CD72: variants seen among roughly 807,000 people sequenced by gnomAD.
CD72 encodes the protein B-cell differentiation antigen CD72.
Under a neutral mutation model 50.7 loss-of-function variants are expected in CD72, and 28 were observed. That is an observed-to-expected ratio of 0.55 (90% CI 0.41 to 0.76). The LOEUF is 0.76. CD72 is among the 30% of genes least tolerant of loss of function. CD72 has a pLI of 0.00. For missense variants in CD72, 403 were observed against 420.6 expected (o/e 0.96, Z 0.37); for synonymous variants, 176 against 171.2 (o/e 1.03, Z -0.22).
intron 1 of CD72, among the ~76,000 whole-genome samples, chr9:35,629,204 T>C (rs1399379134): frequency 1.3e-5 from 2 of 152,172 alleles, no homozygotes; most frequent in East Asian, 3.8e-4. Context: ...TTAAGCTGCA[T>C]GTCCCTGATT....
At chr9:35,616,910 T>A in intron 3 of CD72, 1 of 1,300,550 alleles carries the variant, frequency 7.7e-7, no homozygotes, top group Non-Finnish European at 1.0e-6. Flanking sequence ...CTCGGGGGCG[T>A]TACCTGGGAG....
upstream of CD72, chr9:35,618,519 C>T (rs1348573814): frequency 1.7e-6 from 2 of 1,180,642 alleles, no homozygotes; most frequent in African/African-American, 1.5e-5. Flanking sequence ...TGGGCCAGGG[C>T]CAGAGGGGCC....
intron 1 of CD72, among the ~76,000 whole-genome samples, chr9:35,641,452 G>A (rs1207544903): frequency 6.6e-6 from 1 of 152,130 alleles, no homozygotes; most frequent in African/African-American, 2.4e-5. Flanking sequence ...TGAAAGACCT[G>A]GTCCAGTAAA....
At chr9:35,622,537 G>A (rs1162891310), upstream of CD72, among the ~76,000 whole-genome samples, 1 of 152,020 alleles carries the variant, frequency 6.6e-6, no homozygotes, top group Non-Finnish European at 1.5e-5. Context: ...GCTCACGCCT[G>A]TTATCCCTTG....
intron 1 of CD72, among the ~76,000 whole-genome samples, chr9:35,629,930 T>C (rs1483308009): frequency 6.6e-6 from 1 of 152,250 alleles, no homozygotes; most frequent in African/African-American, 2.4e-5. Context: ...ACAATCACCT[T>C]GTTTGGGATT....
intron 1 of CD72, among the ~76,000 whole-genome samples, chr9:35,641,449 C>A (rs1264759211): frequency 6.6e-6 from 1 of 152,156 alleles, no homozygotes; most frequent in Non-Finnish European, 1.5e-5. Context: ...TTTTGAAAGA[C>A]CTGGTCCAGT....
chr9:35,632,450 T>G lies in CD72; in HGVS notation n.408+13953A>C, dbSNP rs75798159. ...CTCCCAAAGTGCTGGGATTACAGGC[T>G]TGAGCCACTGTGCCCGGCCTTCTCC... On this transcript the variant is annotated intron_variant and non_coding_transcript_variant, in intron 1 of 3. Transcript: ENST00000465754. Among the ~76,000 whole-genome samples the G allele has an allele frequency of 3.3e-3, 506 of 151,974 alleles. 2 individuals are homozygous for G. Among genetic ancestry groups the G allele is most frequent in the African/African-American group, 4.8e-3 (198 of 41,482 alleles).
rs142170055 is a variant in CD72, at chr9:35,616,674, A to T, written c.278T>A (p.Leu93Gln). The T allele has an allele frequency of 2.7e-5, 43 of 1,613,520 alleles. No homozygotes were observed. The highest frequency in any genetic ancestry group is 3.5e-5 in the Non-Finnish European group (41 of 1,179,940). ...GRILPCRTTC[L>Q]RYLLLGLLLT... ...GAGCAGGCCGAGCAGGAGGTATCGC[A>T]GGCAGGTTGTGCGGCCTTAGGGGGA... is the stretch of plus-strand genomic sequence containing the variant. Residue 93 changes from leucine to glutamine, a missense_variant, in exon 4 of 9, where the codon CTG (leucine) becomes CAG (glutamine). Physicochemically the swap from Leu to Gln is moderately radical, Grantham distance 113. Coordinates refer to ENST00000259633, the MANE Select transcript of CD72 (RefSeq NM_001782.3).
upstream of CD72, among the ~76,000 whole-genome samples, chr9:35,620,851 C>T (rs1239713765): frequency 6.6e-6 from 1 of 152,104 alleles, no homozygotes; most frequent in African/African-American, 2.4e-5. Context: ...AGGGGATCCC[C>T]AGATGGAACT....
chr9:35,610,491 C>A, intron 8 of CD72, 111 bp downstream of exon 8: 1 of 475,734 alleles, frequency 2.1e-6, no homozygotes, highest in Non-Finnish European at 3.3e-6. Flanking sequence ...GAGGAACTTT[C>A]ATCCCAGGTA....
At chr9:35,631,678 C>G (rs940303888) in intron 1 of CD72, among the ~76,000 whole-genome samples, 1 of 152,062 alleles carries the variant, frequency 6.6e-6, no homozygotes. Context: ...CGGATCACGA[C>G]GTCAGCAGAT....
intron 2 of CD72, among the ~76,000 whole-genome samples, chr9:35,617,462 C>A (rs903853528): frequency 2.0e-5 from 3 of 151,728 alleles, no homozygotes; most frequent in Non-Finnish European, 2.9e-5. Context: ...TTTCCCGGGA[C>A]CCCCTCATCT....
At chr9:35,612,617 C>T (rs1331593278) in intron 6 of CD72, among the ~76,000 whole-genome samples, 1 of 151,958 alleles carries the variant, frequency 6.6e-6, no homozygotes, top group Non-Finnish European at 1.5e-5. Flanking sequence ...GGTTAAGTTT[C>T]CATTCTCATG....
Position 35,618,393 on chromosome 9 carries a change from C to T in CD72, c.-90G>A. 2 of 1,584,112 alleles carry T rather than the reference C, an allele frequency of 1.3e-6. No homozygotes were observed. The highest frequency in any genetic ancestry group is 2.3e-5 in the South Asian group (2 of 87,984). On this transcript the variant is annotated 5_prime_UTR_variant, in exon 1 of 9. Coordinates refer to ENST00000259633, the MANE Select transcript of CD72 (RefSeq NM_001782.3). ...GTCTCTGTCCGTTTACAACTAGGCT[C>T]TGTGTTCCCTCTGTGACTGCACGGC...
chr9:35,642,182 C>A (rs1163144324), intron 1 of CD72, among the ~76,000 whole-genome samples: 7 of 152,190 alleles, frequency 4.6e-5, no homozygotes, highest in Admixed American at 2.0e-4. Context: ...TCTAAAAGGT[C>A]CCCTCTAGCG....
At chr9:35,629,087 G>GA (rs1270579648) in intron 1 of CD72, among the ~76,000 whole-genome samples, 8 of 151,970 alleles carry the variant, frequency 5.3e-5, no homozygotes, top group Non-Finnish European at 1.5e-5. Flanking sequence ...TAGTTGCCCA[G>GA]GTTGGTCTCA....
chr9:35,633,432 G>C (rs906129542), intron 1 of CD72, among the ~76,000 whole-genome samples: 4 of 151,972 alleles, frequency 2.6e-5, no homozygotes, highest in Non-Finnish European at 4.4e-5. Flanking sequence ...ATGATACAGG[G>C]TAATTGAGAG....
At chr9:35,632,306 C>T (rs1823253073) in intron 1 of CD72, among the ~76,000 whole-genome samples, 1 of 151,326 alleles carries the variant, frequency 6.6e-6, no homozygotes, top group Non-Finnish European at 1.5e-5. Flanking sequence ...TCCCGAGTAG[C>T]TGGGATTACA....
At chr9:35,644,570 A>G (rs1443948003) in intron 1 of CD72, among the ~76,000 whole-genome samples, 2 of 152,104 alleles carry the variant, frequency 1.3e-5, no homozygotes, top group African/African-American at 2.4e-5. Context: ...CAGCTTCTGG[A>G]AGTGTTCAAG....
Sources: allele counts gnomAD v4.1 joint callset (sites outside exome capture counted in the v4.1 genomes callset), GRCh38; gene constraint gnomAD v4.1.1; transcripts MANE v1.5; gene names NCBI Gene and HGNC (gene_info 2026-07-23, HGNC 2026-07-21).